The following RAPGEF2 variants were observed in gnomAD, a reference collection of about 807,000 sequenced individuals.
RAPGEF2 encodes Rap guanine nucleotide exchange factor 2.
RAPGEF2 carries 54 observed loss-of-function variants against 186.7 expected under a neutral mutation model. The observed-to-expected ratio is 0.29, with a 90% CI of 0.23 to 0.36. The LOEUF is 0.36. Among genes scored for constraint, RAPGEF2 ranks in the 10% least tolerant of loss-of-function variants. RAPGEF2 has a pLI of 1.00. For synonymous variants in RAPGEF2, 712 were observed against 705.9 expected, an observed-to-expected ratio of 1.01 and a Z score of -0.14; for missense variants, 1,532 against 2,045.0, an observed-to-expected ratio of 0.75 and a Z score of 4.84.
At chr4:159,223,785 GT>G (rs1751757157) in intron 4 of RAPGEF2, among the ~76,000 whole-genome samples, 1 of 152,010 alleles carries the variant, frequency 6.6e-6, no homozygotes, top group Admixed American at 6.5e-5. Flanking sequence ...GACCATTTCT[GT>G]TTACCTCTTT....
chr4:159,270,840 T>G (rs1758036745), intron 7 of RAPGEF2, among the ~76,000 whole-genome samples: 1 of 152,230 alleles, frequency 6.6e-6, no homozygotes, highest in Non-Finnish European at 1.5e-5. Context: ...AATACCCATG[T>G]GTCACCAGAA....
chr4:159,284,551 CAG>C (rs1369356496), intron 7 of RAPGEF2, among the ~76,000 whole-genome samples: 2 of 150,530 alleles, frequency 1.3e-5, no homozygotes, highest in African/African-American at 4.9e-5. Flanking sequence ...GTAAATGAAA[CAG>C]TGCCCTGGTG....
At chr4:159,295,557 A>AT (rs1484808813) in intron 7 of RAPGEF2, among the ~76,000 whole-genome samples, 2 of 152,174 alleles carry the variant, frequency 1.3e-5, no homozygotes, top group Non-Finnish European at 2.9e-5. Flanking sequence ...AAACTTGTAT[A>AT]AACAGTTCGA....
chr4:159,195,875 GTTTTTT>G (rs34827512), intron 3 of RAPGEF2, among the ~76,000 whole-genome samples: 31,289 of 94,154 alleles, frequency 0.33, 4,611 homozygotes, highest in Admixed American at 0.39. Flanking sequence ...AAACATACCT[GTTTTTT>G]TTTTTTTTTT....
Position 159,222,023 on chromosome 4 carries a change from T to C in RAPGEF2, c.281+11440T>C, listed in dbSNP as rs375258004. Reference sequence around the variant, plus strand: ...GTCACAGTGGTATATATTAAAATATTCCCCCTTCGGATATTAGTCATAATT... The same window carrying C: ...GTCACAGTGGTATATATTAAAATATCCCCCCTTCGGATATTAGTCATAATT... On this transcript the variant is annotated intron_variant, in intron 4 of 29. Coordinates refer to ENST00000691494, the MANE Select transcript of RAPGEF2 (RefSeq NM_001394067.2). Among the ~76,000 whole-genome samples the C allele has an allele frequency of 2.5e-4, 38 of 152,316 alleles. No individual in the cohort carries two copies. In the Middle Eastern group the frequency reaches 0.01, roughly 41 times the overall value.
chr4:159,350,975 C>A, intron 26 of RAPGEF2: 1 of 1,377,694 alleles, frequency 7.3e-7, no homozygotes, highest in Non-Finnish European at 9.9e-7. Context: ...ATATTTCAGA[C>A]ATCTGTGCAT....
chr4:159,250,665 C>CTTTTTTTTT (rs34304252), intron 7 of RAPGEF2, among the ~76,000 whole-genome samples: 9 of 123,054 alleles, frequency 7.3e-5, no homozygotes, highest in African/African-American at 2.9e-4. Flanking sequence ...TAGCACTCTT[C>CTTTTTTTTT]TTTTTTTTTT....
At chr4:159,214,078 C>A (rs184193100) in intron 4 of RAPGEF2, among the ~76,000 whole-genome samples, 20 of 152,228 alleles carry the variant, frequency 1.3e-4, no homozygotes, top group Non-Finnish European at 1.0e-4. Flanking sequence ...AATTCAGTTT[C>A]TTTGTATCAA....
chr4:159,345,113 A>G lies in RAPGEF2; in HGVS notation c.3286A>G (p.Ser1096Gly). 6.2e-7 allele frequency: 1 copy of G among 1,613,844 alleles called. No individual in the cohort carries two copies. Among genetic ancestry groups the G allele is most frequent in the Non-Finnish European group, 8.5e-7 (1 of 1,179,714 alleles). Reference protein sequence around the residue: ...KKKWRSLGSLSQGSTNATVLD... With the variant: ...KKKWRSLGSLGQGSTNATVLD... ...TACCTTTTCATCTTCCAGGTCTCTC[A>G]GCCAGGGTAGTACAAATGCAACAGT... The change falls in exon 24 of 30, where the codon AGC (serine) becomes GGC (glycine). Residue 1096 changes from serine (S) to glycine (G), a missense_variant. Ser to Gly is a moderately conservative substitution (Grantham distance 56). Coordinates refer to ENST00000691494, the MANE Select transcript of RAPGEF2 (RefSeq NM_001394067.2).
intron 7 of RAPGEF2, among the ~76,000 whole-genome samples, chr4:159,271,584 G>T (rs971502704): frequency 3.3e-5 from 5 of 152,092 alleles, no homozygotes; most frequent in Admixed American, 1.3e-4. Context: ...CTAGTAAGTG[G>T]TAGAGCCATC....
chr4:159,190,579 A>AT (rs1481143209), intron 2 of RAPGEF2, among the ~76,000 whole-genome samples: 1 of 152,212 alleles, frequency 6.6e-6, no homozygotes, highest in Non-Finnish European at 1.5e-5. Flanking sequence ...AGACTGGGTA[A>AT]TTTATAAAGG....
chr4:159,121,348 T>C (rs866107203), intron 1 of RAPGEF2, among the ~76,000 whole-genome samples: 8 of 149,144 alleles, frequency 5.4e-5, no homozygotes, highest in African/African-American at 1.5e-4. Context: ...CCCCTCCCCT[T>C]CCTCTTCTTT....
At chr4:159,259,515 A>G (rs1756560231) in intron 7 of RAPGEF2, among the ~76,000 whole-genome samples, 1 of 152,186 alleles carries the variant, frequency 6.6e-6, no homozygotes, top group South Asian at 2.1e-4. Context: ...CTTCATTCCA[A>G]TAGGATAAGT....
At chr4:159,238,944 T>G in intron 5 of RAPGEF2, 60 bp downstream of exon 5, 1 of 1,019,094 alleles carries the variant, frequency 9.8e-7, no homozygotes. Flanking sequence ...ATAAAGGCAT[T>G]TTTATAAACT....
intron 4 of RAPGEF2, among the ~76,000 whole-genome samples, chr4:159,236,083 C>T (rs1180288736): frequency 6.6e-6 from 1 of 152,212 alleles, no homozygotes; most frequent in Admixed American, 6.5e-5. Context: ...TTCTCCCTTG[C>T]TAATGTGTGT....
intron 1 of RAPGEF2, among the ~76,000 whole-genome samples, chr4:159,106,956 AG>A (rs1284411254): frequency 6.7e-6 from 1 of 149,036 alleles, no homozygotes; most frequent in African/African-American, 2.6e-5. Flanking sequence ...ATCTTTAGAG[AG>A]GGGGAATAGT....
At chr4:159,333,661 T>G (rs578208077) in intron 17 of RAPGEF2, among the ~76,000 whole-genome samples, 2 of 152,332 alleles carry the variant, frequency 1.3e-5, no homozygotes, top group African/African-American at 4.8e-5. Context: ...TAAGCTTGCT[T>G]CTTTGCTTGC....
At chr4:159,234,828 C>T (rs778494865) in intron 4 of RAPGEF2, among the ~76,000 whole-genome samples, 2 of 152,090 alleles carry the variant, frequency 1.3e-5, no homozygotes, top group Non-Finnish European at 2.9e-5. Context: ...GGTGCAATCT[C>T]GACTCACTGT....
In RAPGEF2 at chr4:159,281,908, T is replaced by C. The variant is rs1312911626; in HGVS notation, c.544-22434T>C. On this transcript the variant is annotated intron_variant, in intron 7 of 29. Transcript: ENST00000691494. ...ATCTTTTTGCAAACTGTAAAGCTTA[T>C]GTGAATGCCAGTTATTGTTGTTAGA... Among the ~76,000 whole-genome samples the C allele has an allele frequency of 2.0e-5, 3 of 152,156 alleles. No homozygotes were observed. In the East Asian group the frequency reaches 5.8e-4, roughly 29 times the overall value.
Sources: allele counts gnomAD v4.1 joint callset (sites outside exome capture counted in the v4.1 genomes callset), GRCh38; gene constraint gnomAD v4.1.1; transcripts MANE v1.5; gene names NCBI Gene and HGNC (gene_info 2026-07-23, HGNC 2026-07-21).